PPP1R12B: variants seen among roughly 807,000 people sequenced by gnomAD.
The protein encoded by PPP1R12B is protein phosphatase 1 regulatory subunit 12B.
A neutral mutation model predicts 126.1 loss-of-function variants in PPP1R12B; 76 were observed. The observed-to-expected ratio is 0.60, with a 90% CI of 0.50 to 0.73. The LOEUF is 0.73. Ranked by LOEUF, PPP1R12B falls within the 30% of genes least tolerant of loss-of-function variation. The probability of loss-of-function intolerance (pLI) is 0.00; values close to 1 mark genes in which losing one functional copy is unlikely to be tolerated. For missense variants in PPP1R12B, 1,052 were observed against 1,205.1 expected (o/e 0.87, Z 1.88); for synonymous variants, 356 against 434.7 (o/e 0.82, Z 2.25).
chr1:202,493,383 T>G, intron 15 of PPP1R12B, 66 bp downstream of exon 15: 2 of 1,477,596 alleles, frequency 1.4e-6, no homozygotes, highest in South Asian at 2.5e-5. Context: ...GAGTATCTTC[T>G]TCACTGGTAG....
chr1:202,459,534 T>A (rs1572126440), intron 13 of PPP1R12B, among the ~76,000 whole-genome samples: 1 of 152,224 alleles, frequency 6.6e-6, no homozygotes, highest in Non-Finnish European at 1.5e-5. Flanking sequence ...AGTTCCTTTT[T>A]TTCCCCCCTG....
At chr1:202,529,886 A>G (rs1258856681) in intron 18 of PPP1R12B, among the ~76,000 whole-genome samples, 3 of 152,216 alleles carry the variant, frequency 2.0e-5, no homozygotes, top group Admixed American at 6.5e-5. Context: ...CTTTCTTGAC[A>G]TATAATTTCT....
intron 1 of PPP1R12B, among the ~76,000 whole-genome samples, chr1:202,366,006 C>G (rs574853313): frequency 3.1e-4 from 47 of 151,716 alleles, no homozygotes; most frequent in East Asian, 7.8e-4. Flanking sequence ...CCCGCCCCCC[C>G]ACAAAAAAAC....
intron 12 of PPP1R12B, chr1:202,445,256 G>A: frequency 1.6e-6 from 2 of 1,237,276 alleles, no homozygotes; most frequent in Non-Finnish European, 2.0e-6. Flanking sequence ...CATTTGAGTT[G>A]CATTCATCAA....
At chr1:202,461,955 G>T (rs1674355474) in intron 13 of PPP1R12B, among the ~76,000 whole-genome samples, 1 of 152,134 alleles carries the variant, frequency 6.6e-6, no homozygotes, top group Non-Finnish European at 1.5e-5. Context: ...TATTCTTTAT[G>T]CTAAAAATAT....
chr1:202,359,321 G>T (rs1209838906), intron 1 of PPP1R12B, among the ~76,000 whole-genome samples: 1 of 151,844 alleles, frequency 6.6e-6, no homozygotes, highest in African/African-American at 2.4e-5. Flanking sequence ...GTAGAGACAG[G>T]ATTTCACATG....
chr1:202,509,995 A>G (rs531371930), intron 18 of PPP1R12B, among the ~76,000 whole-genome samples: 82 of 152,316 alleles, frequency 5.4e-4, no homozygotes, highest in African/African-American at 1.9e-3. Context: ...TTTGTGCCAA[A>G]TAAACAAAAT....
At chr1:202,430,205 AGT>A (rs1383315871) in intron 6 of PPP1R12B, among the ~76,000 whole-genome samples, 1 of 152,200 alleles carries the variant, frequency 6.6e-6, no homozygotes, top group East Asian at 1.9e-4. Flanking sequence ...GAACATCAAT[AGT>A]ATTATTCATG....
intron 18 of PPP1R12B, among the ~76,000 whole-genome samples, chr1:202,519,586 A>G (rs1174273020): frequency 1.3e-5 from 2 of 152,164 alleles, no homozygotes; most frequent in African/African-American, 2.4e-5. Context: ...TTTAAAAATT[A>G]TTAATCCACT....
At chr1:202,486,105 C>T (rs1678082447) in intron 13 of PPP1R12B, among the ~76,000 whole-genome samples, 1 of 152,190 alleles carries the variant, frequency 6.6e-6, no homozygotes, top group Non-Finnish European at 1.5e-5. Flanking sequence ...TAGTCTCAAA[C>T]TCCTGGGCTC....
intron 1 of PPP1R12B, among the ~76,000 whole-genome samples, chr1:202,349,668 C>T (rs921811770): frequency 6.6e-6 from 1 of 152,132 alleles, no homozygotes; most frequent in Non-Finnish European, 1.5e-5. Flanking sequence ...TTTGTGTTGC[C>T]TCTAGGCTAC....
At chr1:202,467,251 T>A (rs1418564116) in intron 13 of PPP1R12B, among the ~76,000 whole-genome samples, 1 of 151,882 alleles carries the variant, frequency 6.6e-6, no homozygotes, top group Non-Finnish European at 1.5e-5. Context: ...TACTTTAAGT[T>A]TTAGGGTACA....
rs1688350774 is a variant in PPP1R12B, at chr1:202,569,175, C to T, written c.2840C>T (p.Ser947Leu). The change falls in exon 23 of 24, where the codon TCA becomes TTA. Residue 947 changes from serine to leucine, a missense_variant. Transcript: ENST00000608999. ...AGGCGAGCCTTGGAGCGCAAAATGT[C>T]AGAAATGGAGGAAGAAATGAAGGTA... is the stretch of plus-strand genomic sequence containing the variant. ...RERRALERKM[S>L]EMEEEMKVLT... 2.5e-6 allele frequency: 4 copies of T among 1,613,480 alleles called. No individual in the cohort carries two copies. Among genetic ancestry groups the T allele is most frequent in the Non-Finnish European group, 3.4e-6 (4 of 1,179,530 alleles).
At chr1:202,415,364 C>G (rs1667934492) in intron 1 of PPP1R12B, among the ~76,000 whole-genome samples, 1 of 152,228 alleles carries the variant, frequency 6.6e-6, no homozygotes, top group East Asian at 1.9e-4. Context: ...AATGTCAATA[C>G]AATGAAAATG....
chr1:202,359,497 A>G (rs79229070), intron 1 of PPP1R12B, among the ~76,000 whole-genome samples: 4 of 152,102 alleles, frequency 2.6e-5, no homozygotes, highest in Non-Finnish European at 5.9e-5. Context: ...TTAAAAAAAA[A>G]TCAGCTGGGC....
intron 21 of PPP1R12B, 69 bp from the exon 22 acceptor site, chr1:202,567,709 A>C (rs375432651): frequency 2.0e-6 from 3 of 1,530,984 alleles, no homozygotes; most frequent in Non-Finnish European, 2.7e-6. Flanking sequence ...GTGAAGCTGA[A>C]CTAGACTGGG....
chr1:202,390,699 A>C (rs1432342782), intron 1 of PPP1R12B, among the ~76,000 whole-genome samples: 1 of 146,572 alleles, frequency 6.8e-6, no homozygotes, highest in Admixed American at 6.9e-5. Context: ...TTTGCTATGG[A>C]GCCCAGGCTG....
At chr1:202,463,380 A>C (rs1674560789) in intron 13 of PPP1R12B, among the ~76,000 whole-genome samples, 1 of 152,224 alleles carries the variant, frequency 6.6e-6, no homozygotes. Context: ...TTAAAGAAGA[A>C]ACTGGAATTG....
rs768986892 is a variant in PPP1R12B at position 202,495,098 on chromosome 1, GT to G, written c.2146-181del. Among the ~76,000 whole-genome samples, 561 of 126,042 alleles carry G rather than the reference GT, an allele frequency of 4.5e-3. 1 individual carries two copies. Among genetic ancestry groups the G allele is most frequent in the African/African-American group, 0.012 (411 of 34,828 alleles). 82.7% of individuals were successfully genotyped at this position (126,042 alleles called of 152,430 possible). A position where few individuals can be genotyped will look rare whatever the true frequency, so the allele number is the denominator to read the frequency against. On this transcript the variant is annotated intron_variant, in intron 15 of 23. Coordinates refer to ENST00000608999, the MANE Select transcript of PPP1R12B (RefSeq NM_002481.4). ...CTCAGAGTAGGAGTCTAGCAGCTGT[GT>G]TTTTTTTTTTTTTGTCTAATTAACT...
Sources: allele counts gnomAD v4.1 joint callset (sites outside exome capture counted in the v4.1 genomes callset), GRCh38; gene constraint gnomAD v4.1.1; transcripts MANE v1.5; gene names NCBI Gene and HGNC (gene_info 2026-07-23, HGNC 2026-07-21).